Variants in CFAP299 observed in about 807,000 individuals in gnomAD.
CFAP299 encodes the protein cilia- and flagella-associated protein 299.
A neutral mutation model predicts 27.0 loss-of-function variants in CFAP299; 21 were observed. That is an observed-to-expected ratio of 0.78 (90% CI 0.55 to 1.12). The LOEUF is 1.12. Among genes scored for constraint, CFAP299 ranks in the 50% most tolerant of loss-of-function variants. The pLI, the probability that CFAP299 is intolerant of heterozygous loss-of-function variation, is 0.00. For synonymous variants in CFAP299, 104 were observed against 98.1 expected, an observed-to-expected ratio of 1.06 and a Z score of -0.36; for missense variants, 310 against 276.6, an observed-to-expected ratio of 1.12 and a Z score of -0.86.
At chr4:80,518,986 A>G (rs1194290385) in intron 2 of CFAP299, among the ~76,000 whole-genome samples, 2 of 152,294 alleles carry the variant, frequency 1.3e-5, no homozygotes, top group South Asian at 2.1e-4. Flanking sequence ...TAGAGCAACA[A>G]GATATGTGGG....
intron 3 of CFAP299, among the ~76,000 whole-genome samples, chr4:80,634,113 A>T (rs953450998): frequency 2.4e-4 from 37 of 151,038 alleles, no homozygotes; most frequent in African/African-American, 8.8e-4. Context: ...CCTCCAGAGT[A>T]GCAGGGACTA....
intron 2 of CFAP299, among the ~76,000 whole-genome samples, chr4:80,367,301 G>A (rs913732249): frequency 2.6e-5 from 4 of 152,186 alleles, no homozygotes; most frequent in African/African-American, 4.8e-5. Context: ...GTCAAGATTT[G>A]TGAGGGGACG....
At chr4:80,560,983 G>A (rs1176980962) in intron 2 of CFAP299, among the ~76,000 whole-genome samples, 2 of 152,142 alleles carry the variant, frequency 1.3e-5, no homozygotes, top group East Asian at 3.9e-4. Flanking sequence ...CTTAGCCAGA[G>A]AGTGGTTACA....
At chr4:80,363,082 T>A (rs1380982908) in intron 2 of CFAP299, among the ~76,000 whole-genome samples, 198 bp downstream of exon 2, 2 of 152,222 alleles carry the variant, frequency 1.3e-5, no homozygotes, top group Non-Finnish European at 2.9e-5. Context: ...AACTTCAAGC[T>A]ACTAATTTGA....
chr4:80,528,321 GA>G lies in CFAP299; in HGVS notation c.243-54764del, dbSNP rs564930715. Among the ~76,000 whole-genome samples the G allele has an allele frequency of 5.3e-5, 8 of 151,218 alleles. No homozygotes were observed. The East Asian group carries it at 1.6e-3, about 29-fold the overall frequency. The stretch of plus-strand genomic sequence containing the variant: ...ATGCTCATGCCTCTTTGTTTGAAAA[GA>G]AAAAAAAGGCAAAGTTTTTTCCTGT... On this transcript the variant is annotated intron_variant, in intron 2 of 5. Transcript: ENST00000358105.
intron 2 of CFAP299, among the ~76,000 whole-genome samples, chr4:80,385,952 C>G (rs1198431880): frequency 2.6e-5 from 4 of 152,210 alleles, no homozygotes; most frequent in Admixed American, 1.3e-4. Flanking sequence ...GCCCGGAAAC[C>G]GTGGGCGGCC....
At chr4:80,408,447 T>C (rs924211509) in intron 2 of CFAP299, among the ~76,000 whole-genome samples, 1 of 152,228 alleles carries the variant, frequency 6.6e-6, no homozygotes, top group Non-Finnish European at 1.5e-5. Context: ...GAAAAGCCTG[T>C]TTTCATGTCT....
intron 3 of CFAP299, among the ~76,000 whole-genome samples, chr4:80,737,762 A>G (rs1486669053): frequency 6.6e-6 from 1 of 152,098 alleles, no homozygotes; most frequent in East Asian, 1.9e-4. Context: ...AAAATTAAAA[A>G]GAAGAAAAAA....
At chr4:80,903,387 A>G (rs939663267) in intron 4 of CFAP299, among the ~76,000 whole-genome samples, 3 of 152,112 alleles carry the variant, frequency 2.0e-5, no homozygotes, top group African/African-American at 7.2e-5. Context: ...GTTCTTTCTC[A>G]GTTACATAAA....
chr4:80,382,207 T>C (rs1210176997), intron 2 of CFAP299, among the ~76,000 whole-genome samples: 2 of 152,184 alleles, frequency 1.3e-5, no homozygotes, highest in Admixed American at 1.3e-4. Flanking sequence ...ATAAAAACTC[T>C]GGAAGACAAC....
chr4:80,451,249 T>C (rs1484903062), intron 2 of CFAP299, among the ~76,000 whole-genome samples: 1 of 152,188 alleles, frequency 6.6e-6, no homozygotes, highest in Admixed American at 6.5e-5. Flanking sequence ...TGCAAGCACA[T>C]AGCTGATATC....
chr4:80,454,701 C>T (rs1365962971), intron 2 of CFAP299, among the ~76,000 whole-genome samples: 1 of 152,142 alleles, frequency 6.6e-6, no homozygotes, highest in African/African-American at 2.4e-5. Flanking sequence ...TTTTTCTTGC[C>T]TGCTGCCCAG....
At chr4:80,617,639 A>G (rs1440485600) in intron 3 of CFAP299, among the ~76,000 whole-genome samples, 1 of 152,208 alleles carries the variant, frequency 6.6e-6, no homozygotes, top group Non-Finnish European at 1.5e-5. Flanking sequence ...AGGGTGGCAG[A>G]CATAAATTCC....
intron 2 of CFAP299, among the ~76,000 whole-genome samples, chr4:80,381,989 C>A (rs1315510058): frequency 6.6e-6 from 1 of 151,958 alleles, no homozygotes; most frequent in African/African-American, 2.4e-5. Flanking sequence ...TATCTTATGA[C>A]AAAAAGATTT....
At chr4:80,406,126 G>A (rs1368493580) in intron 2 of CFAP299, among the ~76,000 whole-genome samples, 1 of 152,138 alleles carries the variant, frequency 6.6e-6, no homozygotes, top group Non-Finnish European at 1.5e-5. Context: ...AAATAAATAT[G>A]TTAGTATATT....
chr4:80,712,655 T>C (rs1264214207), intron 3 of CFAP299, among the ~76,000 whole-genome samples: 1 of 152,176 alleles, frequency 6.6e-6, no homozygotes, highest in African/African-American at 2.4e-5. Context: ...CAATATATTA[T>C]AATGTGTCTA....
At chr4:80,680,732 T>C (rs1225964088) in intron 3 of CFAP299, among the ~76,000 whole-genome samples, 1 of 152,180 alleles carries the variant, frequency 6.6e-6, no homozygotes, top group East Asian at 1.9e-4. Flanking sequence ...AACCTTCATT[T>C]AGCATTATTA....
chr4:80,571,682 AT>A (rs889216114), intron 2 of CFAP299, among the ~76,000 whole-genome samples: 19 of 151,968 alleles, frequency 1.3e-4, no homozygotes, highest in African/African-American at 3.9e-4. Context: ...CTAGGTTTAG[AT>A]GACATCATAA....
intron 2 of CFAP299, among the ~76,000 whole-genome samples, chr4:80,547,331 A>C (rs1734283644): frequency 6.6e-6 from 1 of 152,206 alleles, no homozygotes; most frequent in Non-Finnish European, 1.5e-5. Flanking sequence ...CCATATGCAG[A>C]AGATTGAAAC....
Sources: allele counts gnomAD v4.1 joint callset (sites outside exome capture counted in the v4.1 genomes callset), GRCh38; gene constraint gnomAD v4.1.1; transcripts MANE v1.5; gene names NCBI Gene and HGNC (gene_info 2026-07-23, HGNC 2026-07-21).